KATNIP: variants seen among roughly 807,000 people sequenced by gnomAD.
The protein encoded by KATNIP is katanin interacting protein, also known as katanin-interacting protein.
KATNIP carries 126 observed loss-of-function variants against 174.0 expected under a neutral mutation model. The observed-to-expected ratio is 0.72, with a 90% CI of 0.63 to 0.84. The LOEUF is 0.84. Among genes scored for constraint, KATNIP ranks in the 40% least tolerant of loss-of-function variants. The pLI is 0.00. For synonymous variants in KATNIP, 810 were observed against 835.7 expected (o/e 0.97, Z 0.53); for missense variants, 1,958 against 2,109.7 (o/e 0.93, Z 1.41).
At chr16:27,690,582 A>G (rs1309494638) in intron 8 of KATNIP, among the ~76,000 whole-genome samples, 2 of 152,158 alleles carry the variant, frequency 1.3e-5, no homozygotes, top group Non-Finnish European at 2.9e-5. Flanking sequence ...GCCCATTTGG[A>G]AATGCATGGA....
rs191670986 is a variant in KATNIP, at chr16:27,647,611, T to C, written c.409-993T>C. On this transcript the variant is annotated intron_variant, in intron 5 of 27. Coordinates refer to ENST00000261588, the MANE Select transcript of KATNIP (RefSeq NM_015202.5). ...ACCTCTGCCTCCCGGGTTCAAGCGA[T>C]TCTCCTGCCTCAGCCTCCTGAGTAG... 5.4e-3 allele frequency among the ~76,000 whole-genome samples: 814 copies of C among 152,128 alleles called. 12 individuals carry two copies. Among genetic ancestry groups the C allele is most frequent in the African/African-American group, 0.019 (782 of 41,500 alleles).
intron 8 of KATNIP, among the ~76,000 whole-genome samples, chr16:27,693,617 G>A (rs1268538137): frequency 1.3e-5 from 2 of 152,124 alleles, no homozygotes; most frequent in African/African-American, 4.8e-5. Flanking sequence ...TTGAACTCCT[G>A]ACCTCAGGTG....
At chr16:27,650,718 G>A (rs1407667613) in intron 6 of KATNIP, among the ~76,000 whole-genome samples, 1 of 152,200 alleles carries the variant, frequency 6.6e-6, no homozygotes, top group Non-Finnish European at 1.5e-5. Context: ...AAAGAGCAAG[G>A]ATCACTTTGT....
chr16:27,751,726 G>A lies in KATNIP; in HGVS notation c.3354G>A (p.Glu1118=). The stretch of plus-strand genomic sequence containing the variant: ...ATCTTGATAACCCATTAGCCCCAGA[G>A]CACTTTGGAGACACGATCTTATTCA... ...KASGTLAGAP[E]HFGDTILFTT... The change falls in exon 17 of 28, where the codon GAG becomes GAA. Residue 1118 remains glutamate, a synonymous_variant. Coordinates refer to ENST00000261588, the MANE Select transcript of KATNIP (RefSeq NM_015202.5). The A allele has an allele frequency of 6.2e-7, 1 of 1,614,172 alleles. No individual in the cohort carries two copies. The highest frequency in any genetic ancestry group is 8.5e-7 in the Non-Finnish European group (1 of 1,180,008).
intron 13 of KATNIP, among the ~76,000 whole-genome samples, chr16:27,714,011 C>T (rs1450713687): frequency 6.6e-6 from 1 of 151,288 alleles, no homozygotes; most frequent in African/African-American, 2.4e-5. Flanking sequence ...ACCCCCGCCT[C>T]ACACCCAGGC....
intron 10 of KATNIP, among the ~76,000 whole-genome samples, chr16:27,700,487 G>A (rs1411474823): frequency 6.6e-6 from 1 of 152,164 alleles, no homozygotes; most frequent in Non-Finnish European, 1.5e-5. Flanking sequence ...TACATAAACA[G>A]GGTGATATCA....
Position 27,771,571 on chromosome 16 carries a change from G to A in KATNIP, c.4134-17G>A, listed in dbSNP as rs746482551. The A allele has an allele frequency of 1.4e-5, 23 of 1,612,192 alleles. No homozygotes were observed. The Admixed American group carries it at 3.5e-4, about 25-fold the overall frequency. ...CCGTCGTGAGCTTCTTCATGGTGCTGTTTTGTGCTTTTTCAGGCTGGACAT... is the reference window on the plus strand; with the variant it reads ...CCGTCGTGAGCTTCTTCATGGTGCTATTTTGTGCTTTTTCAGGCTGGACAT... On this transcript the variant is annotated splice_polypyrimidine_tract_variant and intron_variant, in intron 21 of 27. Coordinates refer to ENST00000261588, the MANE Select transcript of KATNIP (RefSeq NM_015202.5).
chr16:27,580,787 T>C (rs2090670837), intron 2 of KATNIP, among the ~76,000 whole-genome samples: 1 of 151,978 alleles, frequency 6.6e-6, no homozygotes, highest in Non-Finnish European at 1.5e-5. Flanking sequence ...TTTTCATGGC[T>C]GCCTAGTACT....
At chr16:27,734,550 A>G (rs566034026) in intron 14 of KATNIP, among the ~76,000 whole-genome samples, 4 of 151,982 alleles carry the variant, frequency 2.6e-5, no homozygotes, top group African/African-American at 9.7e-5. Context: ...AATACAAAAA[A>G]TAGCCGGGCG....
intron 2 of KATNIP, among the ~76,000 whole-genome samples, chr16:27,599,626 T>A (rs529147445): frequency 1.3e-5 from 2 of 152,322 alleles, no homozygotes; most frequent in African/African-American, 4.8e-5. Context: ...CTCTCTTCCC[T>A]GACCCTCCAC....
intron 13 of KATNIP, among the ~76,000 whole-genome samples, chr16:27,713,832 A>ATGTGTGTGTGTGTGTGTG (rs1250947371): frequency 1.4e-5 from 1 of 73,632 alleles, no homozygotes. Flanking sequence ...ATATATATAT[A>ATGTGTGTGTGTGTGTGTG]TATATATATA....
chr16:27,770,983 C>G (rs184162990), intron 21 of KATNIP, among the ~76,000 whole-genome samples: 89 of 152,180 alleles, frequency 5.8e-4, no homozygotes, highest in African/African-American at 2.1e-3. Context: ...CCACCTTGGG[C>G]CTTTGCTCTG....
Position 27,708,856 on chromosome 16 carries a change from A to T in KATNIP, c.1541A>T (p.Asp514Val), listed in dbSNP as rs1209098212. Residue 514 changes from aspartate (D) to valine (V), a missense_variant, in exon 13 of 28, where the codon GAT becomes GTT. Asp to Val is a radical substitution (Grantham distance 152). This residue lies in a region of KATNIP where 1,557 missense variants were observed against 1,617.8 expected (regional missense o/e 0.96). Coordinates refer to ENST00000261588, the MANE Select transcript of KATNIP (RefSeq NM_015202.5). The part of the protein sequence containing the change: ...NDTKLYVSPH[D>V]VDIRNTATPG... ...ACAAAGCTTTATGTGTCGCCCCACG[A>T]TGTGGATATCCGGAACACAGCCACG... is the stretch of plus-strand genomic sequence containing the variant. 1 of 1,613,998 alleles carries T rather than the reference A, an allele frequency of 6.2e-7. No homozygotes were observed. Among genetic ancestry groups the T allele is most frequent in the Non-Finnish European group, 8.5e-7 (1 of 1,180,016 alleles).
chr16:27,750,419 CTTTT>C (rs369243500), intron 16 of KATNIP, 113 bp downstream of exon 16: 2,282 of 662,828 alleles, frequency 3.4e-3, no homozygotes, highest in Middle Eastern at 5.3e-3. Context: ...CTTTCTCTTT[CTTTT>C]TTTTTTTTTT....
chr16:27,735,307 GGGAA>G (rs2080858294), intron 14 of KATNIP, among the ~76,000 whole-genome samples: 1 of 152,206 alleles, frequency 6.6e-6, no homozygotes, highest in African/African-American at 2.4e-5. Context: ...CTCTGGACTG[GGGAA>G]GGAAGATGGG....
chr16:27,699,166 C>G (rs1273224926), intron 9 of KATNIP, among the ~76,000 whole-genome samples: 1 of 152,168 alleles, frequency 6.6e-6, no homozygotes, highest in African/African-American at 2.4e-5. Flanking sequence ...CTTAAATAGG[C>G]AGGGTTGGTT....
chr16:27,693,382 T>G (rs1040766491), intron 8 of KATNIP, among the ~76,000 whole-genome samples: 7 of 152,090 alleles, frequency 4.6e-5, no homozygotes, highest in Admixed American at 2.0e-4. Flanking sequence ...AATGGCCCAC[T>G]TGATTTTTTC....
chr16:27,717,778 G>A (rs919165153), intron 13 of KATNIP, among the ~76,000 whole-genome samples: 2 of 152,172 alleles, frequency 1.3e-5, no homozygotes, highest in Middle Eastern at 3.4e-3. Context: ...TCCAGGGCCC[G>A]CTTTACCTTC....
intron 5 of KATNIP, among the ~76,000 whole-genome samples, chr16:27,645,552 T>C (rs1246949640): frequency 1.3e-5 from 2 of 152,160 alleles, no homozygotes. Flanking sequence ...GATTGCTGCA[T>C]CTTAGAGAAC....
Sources: allele counts gnomAD v4.1 joint callset (sites outside exome capture counted in the v4.1 genomes callset), GRCh38; gene constraint gnomAD v4.1.1; regional missense constraint gnomAD v4.1.1; transcripts MANE v1.5; gene names NCBI Gene and HGNC (gene_info 2026-07-23, HGNC 2026-07-21).